The following CAMTA1 variants were observed in gnomAD, a reference collection of about 807,000 sequenced individuals.
The protein encoded by CAMTA1 is calmodulin-binding transcription activator 1.
In CAMTA1, 27 loss-of-function variants were observed where a neutral mutation model predicts 170.9. The ratio of observed to expected loss-of-function variants is 0.16; its 90% CI spans 0.12 to 0.22. CAMTA1 has a LOEUF of 0.22. CAMTA1 is among the 10% of genes least tolerant of loss of function. The pLI is 1.00. For synonymous variants in CAMTA1, 833 were observed against 891.5 expected (o/e 0.93, Z 1.17); for missense variants, 1,619 against 2,217.2 (o/e 0.73, Z 5.42).
At chr1:7,741,454 C>T (rs1442010307) in intron 16 of CAMTA1, among the ~76,000 whole-genome samples, 2 of 151,732 alleles carry the variant, frequency 1.3e-5, no homozygotes, top group Non-Finnish European at 2.9e-5. Context: ...TCCCAGTACT[C>T]GGGAGGCTGA....
At chr1:7,068,531 G>C in intron 3 of CAMTA1, among the ~76,000 whole-genome samples, 1 of 152,086 alleles carries the variant, frequency 6.6e-6, no homozygotes, top group East Asian at 1.9e-4. Flanking sequence ...GACCACGATG[G>C]GGATGAACGT....
intron 5 of CAMTA1, among the ~76,000 whole-genome samples, chr1:7,380,302 C>T (rs550608987): frequency 1.8e-4 from 28 of 152,286 alleles, no homozygotes; most frequent in African/African-American, 6.0e-4. Flanking sequence ...AGTCCGGGTC[C>T]GGTGGCTCAC....
In CAMTA1 at chr1:6,879,615, T is replaced by C. The variant is rs112664085; in HGVS notation, c.234+54405T>C. Among the ~76,000 whole-genome samples, 682 of 141,832 alleles carry C rather than the reference T, an allele frequency of 4.8e-3. 9 individuals carry two copies. Among genetic ancestry groups the C allele is most frequent in the African/African-American group, 0.017 (662 of 39,196 alleles). 93.0% of individuals were successfully genotyped at this position (141,832 alleles called of 152,430 possible). On this transcript the variant is annotated intron_variant, in intron 3 of 22. Transcript: ENST00000303635. Reference sequence around the variant, plus strand: ...ATAAAGGCTTCTTTTCCTTTTTTCTTTTTTTTTTTTTTTTTGAGACAAGGT... The same window carrying C: ...ATAAAGGCTTCTTTTCCTTTTTTCTCTTTTTTTTTTTTTTTGAGACAAGGT...
At chr1:6,989,979 G>C (rs1266754645) in intron 3 of CAMTA1, among the ~76,000 whole-genome samples, 1 of 152,104 alleles carries the variant, frequency 6.6e-6, no homozygotes, top group Non-Finnish European at 1.5e-5. Flanking sequence ...GCAACAAGTG[G>C]GTCTTTCAGG....
intron 4 of CAMTA1, among the ~76,000 whole-genome samples, chr1:7,174,991 A>G (rs1332322809): frequency 2.6e-5 from 4 of 152,214 alleles, no homozygotes; most frequent in African/African-American, 7.2e-5. Context: ...AAACTAATTT[A>G]GAAAATTAGA....
chr1:6,888,458 A>C (rs1194525622), intron 3 of CAMTA1, among the ~76,000 whole-genome samples: 1 of 152,234 alleles, frequency 6.6e-6, no homozygotes, highest in Middle Eastern at 3.2e-3. Flanking sequence ...AGAGATGCAT[A>C]GAAACATGAG....
chr1:7,125,990 TG>T lies in CAMTA1; in HGVS notation c.302+34623del, dbSNP rs781096693. 2.1e-4 allele frequency among the ~76,000 whole-genome samples: 32 copies of T among 152,120 alleles called. 1 individual carries two copies. In the South Asian group the frequency reaches 6.4e-3, roughly 31 times the overall value. ...TAATGAACTGACAGTTCCACATGGC[TG>T]GGGAGGCCTCAAACTCACAGTCATG... On this transcript the variant is annotated intron_variant, in intron 4 of 22. Transcript: ENST00000303635.
At chr1:6,967,987 A>G (rs1691854644) in intron 3 of CAMTA1, among the ~76,000 whole-genome samples, 1 of 152,240 alleles carries the variant, frequency 6.6e-6, no homozygotes, top group Non-Finnish European at 1.5e-5. Flanking sequence ...CAGAGGGCAC[A>G]TTATAAATAT....
intron 4 of CAMTA1, among the ~76,000 whole-genome samples, chr1:7,200,076 T>A (rs1161479651): frequency 2.0e-5 from 3 of 152,368 alleles, no homozygotes; most frequent in South Asian, 4.1e-4. Context: ...AAAAGTTTTT[T>A]AAAACATACA....
At chr1:7,164,643 C>A (rs1167351422) in intron 4 of CAMTA1, among the ~76,000 whole-genome samples, 2 of 152,242 alleles carry the variant, frequency 1.3e-5, no homozygotes, top group Non-Finnish European at 2.9e-5. Flanking sequence ...TTTATATTTG[C>A]AGCTTTGAAA....
intron 4 of CAMTA1, among the ~76,000 whole-genome samples, chr1:7,200,578 A>G (rs1331287143): frequency 6.6e-6 from 1 of 152,174 alleles, no homozygotes; most frequent in Non-Finnish European, 1.5e-5. Context: ...ATTTTTGACG[A>G]GTACAGGCCT....
rs182014061 is a variant in CAMTA1 at position 7,271,818 on chromosome 1, A to G, written c.438+22192A>G. Among the ~76,000 whole-genome samples, 27 of 152,268 alleles carry G rather than the reference A, an allele frequency of 1.8e-4. No individual in the cohort carries two copies. The East Asian group carries it at 5.0e-3, about 28-fold the overall frequency. Reference sequence around the variant, plus strand: ...ACTGACCTTCTAGAATAAAAGGATTATAAAAAGAATACTATGAACAGCAGT... The same window carrying G: ...ACTGACCTTCTAGAATAAAAGGATTGTAAAAAGAATACTATGAACAGCAGT... On this transcript the variant is annotated intron_variant, in intron 5 of 22. Transcript: ENST00000303635.
At chr1:7,217,849 A>G (rs1290887395) in intron 4 of CAMTA1, among the ~76,000 whole-genome samples, 1 of 152,154 alleles carries the variant, frequency 6.6e-6, no homozygotes, top group Non-Finnish European at 1.5e-5. Flanking sequence ...CAAAACATAT[A>G]TAATCTATGT....
chr1:6,833,475 A>G (rs534153837), intron 3 of CAMTA1, among the ~76,000 whole-genome samples: 5 of 152,364 alleles, frequency 3.3e-5, no homozygotes, highest in Admixed American at 2.0e-4. Flanking sequence ...GTTAAATGCA[A>G]TAGATGATGT....
chr1:7,544,261 A>T (rs185924660), intron 6 of CAMTA1, among the ~76,000 whole-genome samples: 257 of 152,334 alleles, frequency 1.7e-3, no homozygotes, highest in Admixed American at 3.9e-3. Context: ...AACCTATCAG[A>T]TTTCATGAGA....
intron 4 of CAMTA1, among the ~76,000 whole-genome samples, chr1:7,137,598 C>T (rs1322273551): frequency 3.3e-5 from 5 of 152,214 alleles, no homozygotes; most frequent in African/African-American, 9.6e-5. Flanking sequence ...CTCCCTCTCT[C>T]GCACAAGCAT....
chr1:7,429,329 G>T (rs893306422), intron 5 of CAMTA1, among the ~76,000 whole-genome samples: 13 of 152,224 alleles, frequency 8.5e-5, no homozygotes, highest in African/African-American at 2.7e-4. Context: ...GAAACTATTC[G>T]CATGGTGATG....
At chr1:7,122,947 G>A (rs1213741261) in intron 4 of CAMTA1, among the ~76,000 whole-genome samples, 1 of 152,204 alleles carries the variant, frequency 6.6e-6, no homozygotes, top group African/African-American at 2.4e-5. Context: ...CTCTGTAAAA[G>A]TGTGTCTGCC....
intron 4 of CAMTA1, among the ~76,000 whole-genome samples, chr1:7,182,513 A>C (rs1652415214): frequency 1.3e-5 from 2 of 151,252 alleles, no homozygotes; most frequent in Non-Finnish European, 2.9e-5. Flanking sequence ...AAAAAAAAAA[A>C]CACTAGAAGA....
Sources: allele counts gnomAD v4.1 joint callset (sites outside exome capture counted in the v4.1 genomes callset), GRCh38; gene constraint gnomAD v4.1.1; transcripts MANE v1.5; gene names NCBI Gene and HGNC (gene_info 2026-07-23, HGNC 2026-07-21).